ERCC6L2: variants seen among roughly 807,000 people sequenced by gnomAD.
ERCC6L2 encodes ERCC excision repair 6 like 2, also known as DNA excision repair protein ERCC-6-like 2.
ERCC6L2 carries 77 observed loss-of-function variants against 132.0 expected under a neutral mutation model. The ratio of observed to expected loss-of-function variants is 0.58; its 90% CI spans 0.49 to 0.71. The LOEUF (loss-of-function observed/expected upper bound fraction) is 0.71. ERCC6L2 is among the 30% of genes least tolerant of loss of function. The pLI is 0.00. For synonymous variants in ERCC6L2, 583 were observed against 632.4 expected (o/e 0.92, Z 1.17); for missense variants, 1,542 against 1,837.6 (o/e 0.84, Z 2.94).
intron 18 of ERCC6L2, among the ~76,000 whole-genome samples, chr9:96,006,506 C>G (rs943509113): frequency 6.6e-6 from 1 of 152,100 alleles, no homozygotes; most frequent in Non-Finnish European, 1.5e-5. Context: ...CGCGCCCTGG[C>G]GGGAGGTGGC....
At chr9:95,902,908 A>G (rs1041006448) in intron 3 of ERCC6L2, among the ~76,000 whole-genome samples, 1 of 152,054 alleles carries the variant, frequency 6.6e-6, no homozygotes, top group Non-Finnish European at 1.5e-5. Flanking sequence ...TTTGTTCATT[A>G]TATATTTTGA....
At chr9:95,901,366 A>G (rs911884414) in intron 3 of ERCC6L2, among the ~76,000 whole-genome samples, 1 of 152,128 alleles carries the variant, frequency 6.6e-6, no homozygotes, top group Non-Finnish European at 1.5e-5. Context: ...CTTCCAAATA[A>G]GTTTTGCTTT....
intron 17 of ERCC6L2, among the ~76,000 whole-genome samples, chr9:95,978,501 C>G (rs1025977806): frequency 6.6e-6 from 1 of 152,152 alleles, no homozygotes; most frequent in African/African-American, 2.4e-5. Context: ...CTGAGGGAAT[C>G]ATGTAGTTCA....
intron 2 of ERCC6L2, among the ~76,000 whole-genome samples, chr9:95,886,508 AT>A (rs1171018993): frequency 2.6e-5 from 4 of 152,060 alleles, no homozygotes; most frequent in Admixed American, 6.6e-5. Context: ...TAGAACTGTT[AT>A]TTTTTTCCTC....
chr9:95,878,633 C>A (rs1827419493), intron 1 of ERCC6L2, among the ~76,000 whole-genome samples: 1 of 151,678 alleles, frequency 6.6e-6, no homozygotes, highest in African/African-American at 2.4e-5. Flanking sequence ...TTAGGTATAT[C>A]TCCTAAAGCT....
chr9:95,927,663 C>T (rs907723854), intron 9 of ERCC6L2, among the ~76,000 whole-genome samples: 1 of 152,132 alleles, frequency 6.6e-6, no homozygotes, highest in Non-Finnish European at 1.5e-5. Flanking sequence ...TAATTGAACA[C>T]ATTTCATTAC....
chr9:95,984,193 G>A (rs780803484), intron 17 of ERCC6L2, among the ~76,000 whole-genome samples: 5 of 148,676 alleles, frequency 3.4e-5, no homozygotes, highest in African/African-American at 7.4e-5. Context: ...ATACAAATAT[G>A]TACATCTCTA....
intron 8 of ERCC6L2, among the ~76,000 whole-genome samples, chr9:95,922,701 G>A (rs1364922546): frequency 6.6e-6 from 1 of 151,964 alleles, no homozygotes; most frequent in Non-Finnish European, 1.5e-5. Context: ...TAACATATTT[G>A]ATGGGTCAGT....
At chr9:95,928,985 T>TA (rs1830221184) in intron 11 of ERCC6L2, 121 bp downstream of exon 11, 2 of 680,888 alleles carry the variant, frequency 2.9e-6, no homozygotes, top group Non-Finnish European at 4.5e-6. Flanking sequence ...GCAGCAAAAA[T>TA]ACTATTATGA....
chr9:95,929,548 A>G lies in ERCC6L2; in HGVS notation c.1751+684A>G, dbSNP rs182862645. ...ATTTCAATGGACTTTAAAAATAAACATATATAAAATGCACAAAGTAAAAAT... is the reference window on the plus strand; with the variant it reads ...ATTTCAATGGACTTTAAAAATAAACGTATATAAAATGCACAAAGTAAAAAT... On this transcript the variant is annotated intron_variant, in intron 11 of 18. Coordinates refer to ENST00000653738, the MANE Select transcript of ERCC6L2 (RefSeq NM_020207.7). Among the ~76,000 whole-genome samples the G allele has an allele frequency of 9.3e-5, 14 of 150,810 alleles. No homozygotes were observed. The East Asian group carries it at 2.7e-3, about 29-fold the overall frequency.
intron 11 of ERCC6L2, among the ~76,000 whole-genome samples, chr9:95,937,934 G>A (rs1000966908): frequency 1.3e-5 from 2 of 150,990 alleles, no homozygotes; most frequent in African/African-American, 4.9e-5. Flanking sequence ...TCTAATATAA[G>A]CATTTAATGT....
intron 11 of ERCC6L2, among the ~76,000 whole-genome samples, chr9:95,932,516 G>A (rs1830384638): frequency 6.6e-6 from 1 of 151,818 alleles, no homozygotes; most frequent in Non-Finnish European, 1.5e-5. Context: ...TTTTTCCTGG[G>A]GTTTGTTTTT....
chr9:95,931,546 A>G (rs1830340127), intron 11 of ERCC6L2, among the ~76,000 whole-genome samples: 1 of 152,244 alleles, frequency 6.6e-6, no homozygotes, highest in Non-Finnish European at 1.5e-5. Flanking sequence ...ATCTGTAAAT[A>G]CAGAAAATGT....
chr9:95,955,454 C>G (rs1831553822), intron 12 of ERCC6L2, among the ~76,000 whole-genome samples: 1 of 148,622 alleles, frequency 6.7e-6, no homozygotes. Flanking sequence ...ACCCATCATC[C>G]CAGAATTTTC....
At chr9:95,912,073 T>G (rs1829365913) in intron 4 of ERCC6L2, among the ~76,000 whole-genome samples, 1 of 152,194 alleles carries the variant, frequency 6.6e-6, no homozygotes, top group Non-Finnish European at 1.5e-5. Flanking sequence ...AAACAGACTA[T>G]TGAACATTTA....
chr9:95,881,474 T>C (rs746356717), intron 2 of ERCC6L2, among the ~76,000 whole-genome samples, 181 bp downstream of exon 2: 19 of 152,210 alleles, frequency 1.2e-4, no homozygotes, highest in Non-Finnish European at 2.4e-4. Flanking sequence ...CTCAGTTATT[T>C]TATCATTCTT....
intron 4 of ERCC6L2, among the ~76,000 whole-genome samples, chr9:95,912,476 G>A (rs972480790): frequency 1.3e-5 from 2 of 151,968 alleles, no homozygotes; most frequent in Admixed American, 1.3e-4. Flanking sequence ...CTTTGTGTAC[G>A]GTGGTGGTAA....
At chr9:96,023,602 A>G (rs945796724) in intron 19 of ERCC6L2, among the ~76,000 whole-genome samples, 1 of 152,230 alleles carries the variant, frequency 6.6e-6, no homozygotes, top group African/African-American at 2.4e-5. Flanking sequence ...ACACTAAGAA[A>G]TCAGTGCTAT....
chr9:95,887,075 C>T (rs761100185), intron 2 of ERCC6L2, among the ~76,000 whole-genome samples: 1 of 152,182 alleles, frequency 6.6e-6, no homozygotes. Flanking sequence ...ATAAACTCCT[C>T]ATATATCTCT....
Sources: allele counts gnomAD v4.1 joint callset (sites outside exome capture counted in the v4.1 genomes callset), GRCh38; gene constraint gnomAD v4.1.1; transcripts MANE v1.5; gene names NCBI Gene and HGNC (gene_info 2026-07-23, HGNC 2026-07-21).